TMEM131: variants seen among roughly 807,000 people sequenced by gnomAD.
The protein encoded by TMEM131 is transmembrane protein 131.
A neutral mutation model predicts 211.6 loss-of-function variants in TMEM131; 66 were observed. The observed-to-expected ratio is 0.31, with a 90% confidence interval of 0.26 to 0.38. The LOEUF is 0.38. TMEM131 is among the 10% of genes least tolerant of loss of function. TMEM131 has a pLI of 1.00. For synonymous variants in TMEM131, 844 were observed against 841.3 expected (o/e 1.00, Z -0.06); for missense variants, 2,036 against 2,299.3 (o/e 0.89, Z 2.34).
rs1559374911 is a variant in TMEM131, at chr2:97,812,498, C to T, written c.1786G>A (p.Val596Met). 1 of 1,613,010 alleles carries T rather than the reference C, an allele frequency of 6.2e-7. No homozygotes were observed. Among genetic ancestry groups the T allele is most frequent in the Admixed American group, 1.7e-5 (1 of 59,872 alleles). Residue 596 changes from valine (V) to methionine (M), a missense_variant, in exon 17 of 41, where the codon GTG becomes ATG. Val to Met is a conservative substitution (Grantham distance 21, BLOSUM62 1). This residue lies in a region of TMEM131 where 1,623 missense variants were observed against 1,805.9 expected (regional missense o/e 0.90). Coordinates refer to ENST00000186436, the MANE Select transcript of TMEM131 (RefSeq NM_015348.2). ...ATTGTAGTTCTATTGCCTCTTTCCACAGCTACAAGTTCTATTGATAAACCG... is the reference window on the plus strand; with the variant it reads ...ATTGTAGTTCTATTGCCTCTTTCCATAGCTACAAGTTCTATTGATAAACCG... Reference protein sequence around the residue: ...GDGLSIELVAVERGNRTTIIS... With the variant: ...GDGLSIELVAMERGNRTTIIS...
chr2:97,880,334 G>C (rs916265697), intron 4 of TMEM131, among the ~76,000 whole-genome samples: 1 of 152,160 alleles, frequency 6.6e-6, no homozygotes, highest in African/African-American at 2.4e-5. Flanking sequence ...AATTTTGGGG[G>C]AGGGGAAGTG....
At chr2:97,912,858 G>A (rs911856647) in intron 2 of TMEM131, among the ~76,000 whole-genome samples, 26 of 152,112 alleles carry the variant, frequency 1.7e-4, no homozygotes, top group East Asian at 3.8e-4. Flanking sequence ...GGGGATATGC[G>A]GGAGGAAAAT....
At chr2:97,958,315 G>C (rs188281374) in intron 1 of TMEM131, among the ~76,000 whole-genome samples, 50 of 152,094 alleles carry the variant, frequency 3.3e-4, no homozygotes, top group African/African-American at 9.2e-4. Flanking sequence ...GGACAGATCA[G>C]GTCTGCATCT....
intron 1 of TMEM131, among the ~76,000 whole-genome samples, chr2:97,977,261 T>C (rs962143025): frequency 1.3e-5 from 2 of 152,346 alleles, no homozygotes; most frequent in South Asian, 4.1e-4. Flanking sequence ...CTTGTAAATA[T>C]GTATCTCCAG....
chr2:97,860,393 A>G (rs1162103499), intron 4 of TMEM131, among the ~76,000 whole-genome samples: 1 of 152,100 alleles, frequency 6.6e-6, no homozygotes, highest in African/African-American at 2.4e-5. Flanking sequence ...ATTCAAATAT[A>G]CACCCTTCTT....
intron 1 of TMEM131, among the ~76,000 whole-genome samples, chr2:97,937,658 T>A (rs1187498956): frequency 1.3e-5 from 2 of 152,088 alleles, no homozygotes; most frequent in Non-Finnish European, 2.9e-5. Context: ...TAAGATGACA[T>A]AATTATAAAC....
intron 29 of TMEM131, among the ~76,000 whole-genome samples, chr2:97,794,225 G>A (rs141484408): frequency 0.029 from 4,441 of 151,864 alleles, 80 homozygotes; most frequent in Middle Eastern, 0.065. Flanking sequence ...TAGTAGAGAC[G>A]GGGTTTCACC....
chr2:97,862,785 G>A (rs921696421), intron 4 of TMEM131, among the ~76,000 whole-genome samples: 1 of 152,104 alleles, frequency 6.6e-6, no homozygotes, highest in African/African-American at 2.4e-5. Flanking sequence ...CCTTAAAGAG[G>A]AGGTAGAGAA....
chr2:97,804,984 C>G (rs1312204647), intron 22 of TMEM131, 104 bp downstream of exon 22: 1 of 816,518 alleles, frequency 1.2e-6, no homozygotes, highest in African/African-American at 1.7e-5. Context: ...TCTTTCTTAG[C>G]TATAAAGCAA....
At chr2:97,899,057 A>C (rs1441778684) in intron 3 of TMEM131, among the ~76,000 whole-genome samples, 2 of 151,686 alleles carry the variant, frequency 1.3e-5, no homozygotes, top group Non-Finnish European at 2.9e-5. Context: ...AGTTTTATTC[A>C]TTTTTTTCCT....
At chr2:97,967,750 G>A (rs566762046) in intron 1 of TMEM131, among the ~76,000 whole-genome samples, 1 of 152,098 alleles carries the variant, frequency 6.6e-6, no homozygotes, top group Non-Finnish European at 1.5e-5. Context: ...AGTCTAAGAG[G>A]AAACAGACTC....
intron 40 of TMEM131, 89 bp downstream of exon 40, chr2:97,758,804 A>G: frequency 6.7e-7 from 1 of 1,501,122 alleles, no homozygotes; most frequent in Admixed American, 2.1e-5. Context: ...GTTGTTTATA[A>G]CTATGTCAGT....
At chr2:97,772,191 C>T in intron 33 of TMEM131, 106 bp downstream of exon 33, 2 of 1,390,142 alleles carry the variant, frequency 1.4e-6, no homozygotes, top group Non-Finnish European at 2.0e-6. Context: ...CTATCAACTC[C>T]CCTAAAAGCC....
chr2:97,771,806 G>A (rs746321105), intron 33 of TMEM131, among the ~76,000 whole-genome samples: 4 of 152,208 alleles, frequency 2.6e-5, no homozygotes, highest in Non-Finnish European at 5.9e-5. Flanking sequence ...GTTATTTAAT[G>A]GTAGAACCGT....
intron 25 of TMEM131, 132 bp from the exon 26 acceptor site, chr2:97,797,648 T>C: frequency 1.4e-6 from 1 of 714,494 alleles, no homozygotes. Context: ...TTATCTGTCA[T>C]GTTTAGATAT....
intron 1 of TMEM131, among the ~76,000 whole-genome samples, chr2:97,956,764 A>G (rs1243387055): frequency 1.3e-5 from 2 of 152,086 alleles, no homozygotes; most frequent in Admixed American, 6.6e-5. Flanking sequence ...AGTCTTTAAT[A>G]GTTTATTCTC....
chr2:97,951,072 G>A (rs1330569139), intron 1 of TMEM131, among the ~76,000 whole-genome samples: 2 of 152,036 alleles, frequency 1.3e-5, no homozygotes, highest in Non-Finnish European at 2.9e-5. Flanking sequence ...GAAGCAGAGA[G>A]CAGAATAAGT....
At chr2:97,943,329 C>T (rs1367506766) in intron 1 of TMEM131, among the ~76,000 whole-genome samples, 1 of 152,148 alleles carries the variant, frequency 6.6e-6, no homozygotes, top group African/African-American at 2.4e-5. Context: ...AATTCATACC[C>T]TGATACATAA....
intron 4 of TMEM131, among the ~76,000 whole-genome samples, chr2:97,860,328 C>G (rs1284877831): frequency 6.6e-6 from 1 of 152,158 alleles, no homozygotes; most frequent in Non-Finnish European, 1.5e-5. Flanking sequence ...GCTAATCTGC[C>G]TGCCCTGTGT....
Sources: allele counts gnomAD v4.1 joint callset (sites outside exome capture counted in the v4.1 genomes callset), GRCh38; gene constraint gnomAD v4.1.1; regional missense constraint gnomAD v4.1.1; transcripts MANE v1.5; gene names NCBI Gene and HGNC (gene_info 2026-07-23, HGNC 2026-07-21).